The following GRIN2A variants were observed in gnomAD, a reference collection of about 807,000 sequenced individuals.
GRIN2A encodes the protein glutamate ionotropic receptor NMDA type subunit 2A.
A neutral mutation model predicts 113.4 loss-of-function variants in GRIN2A; 22 were observed. The observed-to-expected ratio is 0.19, with a 90% CI of 0.14 to 0.28. GRIN2A has a LOEUF of 0.28. Ranked by LOEUF, GRIN2A falls within the 10% of genes least tolerant of loss-of-function variation. The pLI is 1.00. For missense variants in GRIN2A, 1,502 were observed against 1,887.0 expected (o/e 0.80, Z 3.78); for synonymous variants, 827 against 738.4 (o/e 1.12, Z -1.94).
chr16:9,931,020 C>A (rs1158580860), intron 3 of GRIN2A, among the ~76,000 whole-genome samples: 1 of 152,146 alleles, frequency 6.6e-6, no homozygotes, highest in Admixed American at 6.5e-5. Flanking sequence ...AATGGTCATG[C>A]CAGGTGTCAT....
chr16:10,065,329 C>A (rs999511537), intron 2 of GRIN2A, among the ~76,000 whole-genome samples: 3 of 152,196 alleles, frequency 2.0e-5, no homozygotes, highest in African/African-American at 7.2e-5. Flanking sequence ...CACCTGCAAC[C>A]CAGAGCATCT....
At chr16:9,882,644 A>G (rs1486199481) in intron 4 of GRIN2A, among the ~76,000 whole-genome samples, 1 of 152,092 alleles carries the variant, frequency 6.6e-6, no homozygotes, top group Non-Finnish European at 1.5e-5. Context: ...AAAATTAGCC[A>G]GGCAAGGTGG....
chr16:9,885,273 C>T (rs1274948903), intron 4 of GRIN2A, among the ~76,000 whole-genome samples: 2 of 152,140 alleles, frequency 1.3e-5, no homozygotes, highest in African/African-American at 4.8e-5. Context: ...CCCCTTACAC[C>T]TAGGAATTTG....
At chr16:10,145,205 A>G (rs1251734272) in intron 2 of GRIN2A, among the ~76,000 whole-genome samples, 5 of 152,152 alleles carry the variant, frequency 3.3e-5, no homozygotes, top group African/African-American at 1.2e-4. Flanking sequence ...CTGCTGTTCA[A>G]TAAAGTTTTA....
intron 9 of GRIN2A, among the ~76,000 whole-genome samples, chr16:9,827,314 G>A (rs2042405031): frequency 6.6e-6 from 1 of 152,216 alleles, no homozygotes; most frequent in Non-Finnish European, 1.5e-5. Flanking sequence ...CCCGCTTTAG[G>A]CGGGGATCTT....
At chr16:9,871,252 A>T (rs1352507120) in intron 4 of GRIN2A, among the ~76,000 whole-genome samples, 1 of 152,148 alleles carries the variant, frequency 6.6e-6, no homozygotes, top group Non-Finnish European at 1.5e-5. Flanking sequence ...ATGTGAAAGA[A>T]CCAGAAACAG....
In GRIN2A at chr16:10,011,480, A is replaced by C. The variant is rs148052717; in HGVS notation, c.415-72929T>G. Among the ~76,000 whole-genome samples, 240 of 152,212 alleles carry C rather than the reference A, an allele frequency of 1.6e-3. 3 individuals are homozygous for C. Among genetic ancestry groups the C allele is most frequent in the African/African-American group, 5.7e-3 (235 of 41,528 alleles). The stretch of plus-strand genomic sequence containing the variant: ...CTACGTGTCTACTCTCCCAGGGCCA[A>C]GGCGGGACCCAAATCAACCACTCAT... On this transcript the variant is annotated intron_variant, in intron 2 of 12. Transcript: ENST00000330684.
intron 2 of GRIN2A, chr16:10,171,321 A>G (rs2050036598): frequency 6.6e-6 from 1 of 152,236 alleles, no homozygotes; most frequent in African/African-American, 2.4e-5. Flanking sequence ...CAGGTTTCCC[A>G]GGCTATCACT....
intron 3 of GRIN2A, among the ~76,000 whole-genome samples, chr16:9,901,829 G>C (rs571324614): frequency 5.3e-4 from 81 of 152,298 alleles, no homozygotes; most frequent in African/African-American, 1.8e-3. Flanking sequence ...GCTCATCCAT[G>C]CTGCTACAAA....
At position 9,753,455 on chromosome 16, in the gene GRIN2A, A is replaced by C; in HGVS notation, c.*9694T>G. ...AAATTATCTTTATTAGAAAAATGAA[A>C]TTTTCCTGTATTTACATTTTTACAC... On this transcript the variant is annotated 3_prime_UTR_variant, in exon 13 of 13. Transcript: ENST00000330684. 5.1e-6 allele frequency: 1 copy of C among 197,748 alleles called. No individual in the cohort carries two copies. The highest frequency in any genetic ancestry group is 1.0e-5 in the Non-Finnish European group (1 of 95,474). 12.2% of individuals were successfully genotyped at this position (197,748 alleles called of 1,614,324 possible).
At chr16:10,138,213 G>A (rs2049243044) in intron 2 of GRIN2A, among the ~76,000 whole-genome samples, 1 of 152,202 alleles carries the variant, frequency 6.6e-6, no homozygotes, top group Non-Finnish European at 1.5e-5. Flanking sequence ...TAACACTGAA[G>A]ACTCAGAAGT....
Position 10,131,694 on chromosome 16 carries a change from G to T in GRIN2A, c.414+48304C>A, listed in dbSNP as rs953405483. Among the ~76,000 whole-genome samples, 3 of 152,144 alleles carry T rather than the reference G, an allele frequency of 2.0e-5. No homozygotes were observed. The East Asian group carries it at 5.8e-4, about 29-fold the overall frequency. Reference sequence around the variant, plus strand: ...GAGACATGGCTTTTGAATGGGATTAGCCAGTTTAAGAGGTGGGGAAGAACA... The same window carrying T: ...GAGACATGGCTTTTGAATGGGATTATCCAGTTTAAGAGGTGGGGAAGAACA... On this transcript the variant is annotated intron_variant, in intron 2 of 12. Transcript: ENST00000330684.
chr16:9,814,974 T>C (rs1385630510), intron 10 of GRIN2A, among the ~76,000 whole-genome samples: 1 of 151,100 alleles, frequency 6.6e-6, no homozygotes, highest in African/African-American at 2.5e-5. Flanking sequence ...TGAGCCGAGA[T>C]TGTGCCATTG....
At chr16:9,924,272 A>G (rs1216193011) in intron 3 of GRIN2A, among the ~76,000 whole-genome samples, 2 of 152,092 alleles carry the variant, frequency 1.3e-5, no homozygotes, top group African/African-American at 2.4e-5. Context: ...TGTAATGCAG[A>G]TCTGCTGCTA....
intron 10 of GRIN2A, among the ~76,000 whole-genome samples, chr16:9,818,786 C>T (rs11645219): frequency 0.3 from 45,973 of 152,022 alleles, 7,558 homozygotes; most frequent in African/African-American, 0.43. Context: ...AATAAGCTCT[C>T]TCATGCACTG....
intron 2 of GRIN2A, among the ~76,000 whole-genome samples, chr16:10,082,772 T>C (rs1334518504): frequency 6.6e-6 from 1 of 152,210 alleles, no homozygotes. Context: ...CAGCAATAGA[T>C]AGCTGATACA....
At chr16:9,924,598 A>C (rs1465598037) in intron 3 of GRIN2A, among the ~76,000 whole-genome samples, 1 of 152,188 alleles carries the variant, frequency 6.6e-6, no homozygotes, top group Non-Finnish European at 1.5e-5. Flanking sequence ...GTTTTCATTA[A>C]ATTTGAAAAT....
At chr16:9,768,458 T>C (rs1901054163) in intron 12 of GRIN2A, among the ~76,000 whole-genome samples, 1 of 152,206 alleles carries the variant, frequency 6.6e-6, no homozygotes, top group South Asian at 2.1e-4. Flanking sequence ...CCTGATAATA[T>C]TGACTCTACA....
intron 2 of GRIN2A, among the ~76,000 whole-genome samples, chr16:10,170,116 A>T (rs1487600408): frequency 6.6e-6 from 1 of 152,260 alleles, no homozygotes; most frequent in Non-Finnish European, 1.5e-5. Context: ...TGCTGTCTAA[A>T]GACATTAAAA....
Sources: gnomAD v4.1 joint callset for allele counts (sites outside exome capture counted in the v4.1 genomes callset) on GRCh38, gnomAD v4.1.1 for gene constraint, MANE v1.5 for transcripts, NCBI Gene and HGNC (gene_info 2026-07-23, HGNC 2026-07-21) for gene names.